The following NRP1 variants were observed in gnomAD, a reference collection of about 807,000 sequenced individuals.
NRP1 encodes neuropilin 1.
In NRP1, 35 loss-of-function variants were observed where a neutral mutation model predicts 106.7. That is an observed-to-expected ratio of 0.33 (90% CI 0.25 to 0.43). The LOEUF (loss-of-function observed/expected upper bound fraction) is 0.43. Ranked by LOEUF, NRP1 falls within the 20% of genes least tolerant of loss-of-function variation. NRP1 has a pLI of 1.00. For synonymous variants in NRP1, 437 were observed against 417.9 expected (o/e 1.05, Z -0.56); for missense variants, 1,024 against 1,170.4 (o/e 0.87, Z 1.83).
In NRP1 at chr10:33,213,497, C is replaced by T. The variant is rs1354269930; in HGVS notation, c.1503G>A (p.Gln501=). The change falls in exon 9 of 17, where the codon CAG becomes CAA. Residue 501 remains glutamine (Q), a synonymous_variant. Coordinates refer to ENST00000374867, the MANE Select transcript of NRP1 (RefSeq NM_003873.7). ...CCTTGTTCTCTCGGTGCTTCCCACC[C>T]TGAATGATGATGCCCCTCACGATCT... is the stretch of plus-strand genomic sequence containing the variant. ...EEKIVRGIII[Q]GGKHRENKVF... 1 of 1,613,936 alleles carries T rather than the reference C, an allele frequency of 6.2e-7. No individual in the cohort carries two copies. Among genetic ancestry groups the T allele is most frequent in the Non-Finnish European group, 8.5e-7 (1 of 1,180,036 alleles).
chr10:33,250,972 G>A (rs544757133), intron 6 of NRP1, among the ~76,000 whole-genome samples: 2 of 152,252 alleles, frequency 1.3e-5, no homozygotes, highest in South Asian at 4.1e-4. Context: ...TATCCAGCAG[G>A]GAGACCCAAG....
At chr10:33,236,357 T>A (rs999884982) in intron 6 of NRP1, among the ~76,000 whole-genome samples, 8 of 152,272 alleles carry the variant, frequency 5.3e-5, no homozygotes, top group African/African-American at 1.7e-4. Flanking sequence ...CATGTGCTCT[T>A]GCTAGATGGG....
At position 33,179,144 on chromosome 10, in the gene NRP1, T is replaced by C. The variant is rs1835527764; in HGVS notation, c.*932A>G. ...TTGAACTACAGAAAAAGCAGAACAA[T>C]TAAGCCACGTTGCCAAATCTTCAGA... On this transcript the variant is annotated 3_prime_UTR_variant, in exon 17 of 17. Transcript: ENST00000374867. 1 of 152,638 alleles carries C rather than the reference T, an allele frequency of 6.6e-6. No homozygotes were observed. 9.5% of individuals were successfully genotyped at this position (152,638 alleles called of 1,614,324 possible).
intron 2 of NRP1, among the ~76,000 whole-genome samples, chr10:33,283,143 C>T (rs1344357869): frequency 3.3e-5 from 5 of 152,160 alleles, no homozygotes; most frequent in African/African-American, 4.8e-5. Context: ...GCTAAGATAA[C>T]CGCAACCAAG....
At chr10:33,202,645 A>G in intron 11 of NRP1, 2 of 1,534,910 alleles carry the variant, frequency 1.3e-6, no homozygotes, top group Non-Finnish European at 1.8e-6. Flanking sequence ...TTCAATTAAG[A>G]TAATCCTAGC....
At chr10:33,232,698 A>C (rs1371995659) in intron 6 of NRP1, among the ~76,000 whole-genome samples, 2 of 134,080 alleles carry the variant, frequency 1.5e-5, no homozygotes, top group Non-Finnish European at 3.0e-5. Flanking sequence ...GCTAGAGTGC[A>C]ATGGCGAGAT....
At chr10:33,289,766 G>C (rs1844852265) in intron 2 of NRP1, among the ~76,000 whole-genome samples, 1 of 152,164 alleles carries the variant, frequency 6.6e-6, no homozygotes, top group South Asian at 2.1e-4. Flanking sequence ...TAGGCACCAA[G>C]CATCAAAAGG....
At chr10:33,212,908 C>A in intron 9 of NRP1, 1 of 305,504 alleles carries the variant, frequency 3.3e-6, no homozygotes, top group Non-Finnish European at 6.1e-6. Context: ...TGAGCTCAGA[C>A]AATCCGCCCG....
At chr10:33,303,947 A>G (rs1845974301) in intron 2 of NRP1, among the ~76,000 whole-genome samples, 1 of 152,212 alleles carries the variant, frequency 6.6e-6, no homozygotes, top group African/African-American at 2.4e-5. Context: ...ACATCAAATA[A>G]TATTGTCATG....
intron 2 of NRP1, among the ~76,000 whole-genome samples, chr10:33,324,812 A>G (rs1847773696): frequency 6.6e-6 from 1 of 151,996 alleles, no homozygotes; most frequent in Non-Finnish European, 1.5e-5. Flanking sequence ...TAATTTTTGT[A>G]TTTTTAGTAG....
intron 9 of NRP1, 181 bp downstream of exon 9, chr10:33,213,205 A>G (rs1189478011): frequency 1.1e-5 from 16 of 1,499,726 alleles, no homozygotes; most frequent in African/African-American, 1.4e-5. Flanking sequence ...TATCTCAGAC[A>G]TCACTTTTCA....
At position 33,199,571 on chromosome 10, in the gene NRP1, G is replaced by A. The variant is rs375630833; in HGVS notation, c.1865-1862C>T. ...ATCTGTATTTTTGAAAGCTTTTCAG[G>A]TGAGTCTTTTAACCCACTGAGTTTG... On this transcript the variant is annotated intron_variant, in intron 11 of 16. Coordinates refer to ENST00000374867, the MANE Select transcript of NRP1 (RefSeq NM_003873.7). 6.6e-5 allele frequency among the ~76,000 whole-genome samples: 10 copies of A among 151,290 alleles called. No homozygotes were observed. The East Asian group carries it at 1.2e-3, about 18-fold the overall frequency.
chr10:33,223,280 A>T (rs1839401292), intron 7 of NRP1, among the ~76,000 whole-genome samples: 1 of 152,074 alleles, frequency 6.6e-6, no homozygotes, highest in Non-Finnish European at 1.5e-5. Flanking sequence ...TTTTCACTTT[A>T]TTGAATTTAA....
At chr10:33,317,019 A>G (rs1179267529) in intron 2 of NRP1, among the ~76,000 whole-genome samples, 1 of 152,216 alleles carries the variant, frequency 6.6e-6, no homozygotes, top group Non-Finnish European at 1.5e-5. Context: ...GTTTGCTTGC[A>G]AGGTAACAAG....
intron 9 of NRP1, among the ~76,000 whole-genome samples, chr10:33,208,657 T>C (rs545761469): frequency 1.3e-5 from 2 of 152,288 alleles, no homozygotes; most frequent in East Asian, 1.9e-4. Context: ...AATGTCCTTT[T>C]AAATATCAAA....
At chr10:33,288,716 T>C (rs1844767172) in intron 2 of NRP1, 1 of 152,230 alleles carries the variant, frequency 6.6e-6, no homozygotes, top group Non-Finnish European at 1.5e-5. Flanking sequence ...TTGCTGCTGA[T>C]TCAAATCTCA....
rs752602815 is a variant in NRP1, at chr10:33,192,276, G to A, written c.2062+5C>T. On this transcript the variant is annotated splice_donor_5th_base_variant and intron_variant, in intron 13 of 16. Transcript: ENST00000374867. ...GCCATGCAGCCGAAGTGAACTCTGT[G>A]ATACCTGTGTGATCCTGAATGGGTC... is the stretch of plus-strand genomic sequence containing the variant. 3.1e-6 allele frequency: 5 copies of A among 1,612,470 alleles called. No homozygotes were observed. The Admixed American group carries it at 6.7e-5, about 22-fold the overall frequency.
At chr10:33,267,094 C>T (rs539086000) in intron 3 of NRP1, among the ~76,000 whole-genome samples, 1 of 152,318 alleles carries the variant, frequency 6.6e-6, no homozygotes, top group African/African-American at 2.4e-5. Flanking sequence ...CTTGCTCCTG[C>T]TCCGGCCATT....
intron 6 of NRP1, among the ~76,000 whole-genome samples, chr10:33,234,988 G>A (rs997730990): frequency 6.6e-6 from 1 of 152,146 alleles, no homozygotes; most frequent in Non-Finnish European, 1.5e-5. Context: ...GAAAAATGAA[G>A]GCCCCACACA....
Sources: allele counts gnomAD v4.1 joint callset (sites outside exome capture counted in the v4.1 genomes callset), GRCh38; gene constraint gnomAD v4.1.1; transcripts MANE v1.5; gene names NCBI Gene and HGNC (gene_info 2026-07-23, HGNC 2026-07-21).